Variants in NKAIN3 observed in about 807,000 individuals in gnomAD.
NKAIN3 encodes sodium/potassium-transporting ATPase subunit beta-1-interacting protein 3.
A neutral mutation model predicts 30.2 loss-of-function variants in NKAIN3; 25 were observed. The observed-to-expected ratio is 0.83, with a 90% CI of 0.60 to 1.16. The LOEUF (loss-of-function observed/expected upper bound fraction) is 1.16. NKAIN3 is among the 50% of genes most tolerant of loss of function. The probability of loss-of-function intolerance (pLI) is 0.00; values close to 1 mark genes in which losing one functional copy is unlikely to be tolerated. For missense variants in NKAIN3, 225 were observed against 254.1 expected, an observed-to-expected ratio of 0.89 and a Z score of 0.78; for synonymous variants, 91 against 89.6, an observed-to-expected ratio of 1.02 and a Z score of -0.09.
chr8:62,310,900 C>A (rs2080646179), intron 1 of NKAIN3, among the ~76,000 whole-genome samples: 1 of 150,324 alleles, frequency 6.7e-6, no homozygotes, highest in South Asian at 2.1e-4. Flanking sequence ...TAAAAATATT[C>A]CTCTTCAGAC....
chr8:62,990,340 TCAA>T, intron 5 of NKAIN3: 1 of 1,334,882 alleles, frequency 7.5e-7, no homozygotes, highest in Non-Finnish European at 9.7e-7. Context: ...AACCCCAGAT[TCAA>T]CATCTTCCTA....
At chr8:62,520,203 G>A (rs1446479131) in intron 1 of NKAIN3, among the ~76,000 whole-genome samples, 3 of 152,040 alleles carry the variant, frequency 2.0e-5, no homozygotes, top group Non-Finnish European at 2.9e-5. Flanking sequence ...ACCCTGTGGT[G>A]CACTATTTAA....
At chr8:62,615,087 C>T (rs1811410822) in intron 3 of NKAIN3, among the ~76,000 whole-genome samples, 1 of 152,146 alleles carries the variant, frequency 6.6e-6, no homozygotes, top group Non-Finnish European at 1.5e-5. Flanking sequence ...CCCATAGCCA[C>T]CACAGCTGGT....
intron 1 of NKAIN3, among the ~76,000 whole-genome samples, chr8:62,442,236 A>G (rs1156900666): frequency 6.6e-6 from 1 of 151,942 alleles, no homozygotes; most frequent in Non-Finnish European, 1.5e-5. Context: ...GCCTTGTACT[A>G]TTTTGGTGGA....
chr8:62,276,358 G>C (rs185669896), intron 1 of NKAIN3, among the ~76,000 whole-genome samples: 1 of 152,096 alleles, frequency 6.6e-6, no homozygotes, highest in African/African-American at 2.4e-5. Context: ...GAGCCACTGC[G>C]CCCAGCCTGA....
intron 1 of NKAIN3, among the ~76,000 whole-genome samples, chr8:62,393,915 A>T (rs1817649108): frequency 6.6e-6 from 1 of 152,118 alleles, no homozygotes; most frequent in Admixed American, 6.5e-5. Context: ...TGTATAAAAT[A>T]AAATTGATTT....
chr8:62,627,051 A>G (rs962990376), intron 3 of NKAIN3, among the ~76,000 whole-genome samples: 1 of 152,188 alleles, frequency 6.6e-6, no homozygotes, highest in East Asian at 1.9e-4. Context: ...ATCTTCCTCA[A>G]GAAAAGCCTC....
rs144268676 is a variant in NKAIN3 at position 62,395,335 on chromosome 8, C to T, written c.54+146208C>T. Among the ~76,000 whole-genome samples, 1,394 of 151,812 alleles carry T rather than the reference C, an allele frequency of 9.2e-3. 11 individuals carry two copies. Among genetic ancestry groups the T allele is most frequent in the Non-Finnish European group, 0.015 (1,015 of 67,890 alleles). ...AGACGGTGGGGCGGCCGGGCAGAGG[C>T]GACCCTCACTTCCCAGACCGAGGGA... On this transcript the variant is annotated intron_variant, in intron 1 of 6. Coordinates refer to ENST00000623646, the MANE Select transcript of NKAIN3 (RefSeq NM_001304533.3).
At chr8:62,879,951 C>A (rs1820924237) in intron 4 of NKAIN3, among the ~76,000 whole-genome samples, 1 of 152,132 alleles carries the variant, frequency 6.6e-6, no homozygotes, top group Non-Finnish European at 1.5e-5. Flanking sequence ...TGCCCTTAGC[C>A]TTGGGTCCAT....
chr8:62,660,995 G>A (rs1211022229), intron 3 of NKAIN3, among the ~76,000 whole-genome samples: 1 of 152,184 alleles, frequency 6.6e-6, no homozygotes, highest in African/African-American at 2.4e-5. Context: ...GAATGGCAGG[G>A]GTTGATACAC....
intron 1 of NKAIN3, among the ~76,000 whole-genome samples, chr8:62,453,041 T>A (rs1441593860): frequency 6.6e-6 from 1 of 152,222 alleles, no homozygotes; most frequent in Non-Finnish European, 1.5e-5. Context: ...AATGAAATAT[T>A]TACAAACTGA....
intron 3 of NKAIN3, among the ~76,000 whole-genome samples, chr8:62,691,389 A>T (rs1736481171): frequency 6.6e-6 from 1 of 151,924 alleles, no homozygotes; most frequent in Non-Finnish European, 1.5e-5. Context: ...CAACAAGCAG[A>T]GCGGGGGATG....
At chr8:62,454,165 C>G (rs1413212943) in intron 1 of NKAIN3, among the ~76,000 whole-genome samples, 1 of 151,762 alleles carries the variant, frequency 6.6e-6, no homozygotes, top group Non-Finnish European at 1.5e-5. Context: ...GTGGACTTCA[C>G]TCCATAACAA....
intron 1 of NKAIN3, among the ~76,000 whole-genome samples, chr8:62,579,169 A>G (rs1010436714): frequency 1.3e-5 from 2 of 152,018 alleles, no homozygotes; most frequent in African/African-American, 4.8e-5. Flanking sequence ...ATAAATATAT[A>G]TACCTATGAT....
intron 2 of NKAIN3, among the ~76,000 whole-genome samples, chr8:62,581,110 TATAAAATAAAATAAAATAAAATAAA>T (rs71559376): frequency 2.1e-4 from 24 of 114,342 alleles, no homozygotes; most frequent in African/African-American, 4.1e-4. Context: ...CTCAAAAAAA[TATAAAATAAAATAAAATAAAATAAA>T]ATAAAATAAA....
rs1286741954 is a variant in NKAIN3, at chr8:62,977,892, T to G, written c.*12485T>G. On this transcript the variant is annotated 3_prime_UTR_variant, in exon 7 of 7. Coordinates refer to ENST00000623646, the MANE Select transcript of NKAIN3 (RefSeq NM_001304533.3). ...TGGCATTGGTGACCTTTGGAAGGAG[T>G]GTTTACATGGTCATGCTCTTTGTTG... 1 of 152,122 alleles carries G rather than the reference T, an allele frequency of 6.6e-6. No individual in the cohort carries two copies. Among genetic ancestry groups the G allele is most frequent in the Non-Finnish European group, 1.5e-5 (1 of 68,050 alleles). 9.4% of individuals were successfully genotyped at this position (152,122 alleles called of 1,614,324 possible).
intron 1 of NKAIN3, among the ~76,000 whole-genome samples, chr8:62,382,413 A>G (rs1336984570): frequency 1.3e-5 from 2 of 152,150 alleles, no homozygotes; most frequent in Non-Finnish European, 2.9e-5. Flanking sequence ...TGGAAGAGGT[A>G]GAGGAAGTGG....
chr8:62,741,415 G>GC (rs1815879717), intron 3 of NKAIN3, among the ~76,000 whole-genome samples: 1 of 141,480 alleles, frequency 7.1e-6, no homozygotes, highest in African/African-American at 3.0e-5. Flanking sequence ...AGGAAGGAAG[G>GC]AAGGAAGGCA....
chr8:62,440,054 T>C (rs1304499796), intron 1 of NKAIN3, among the ~76,000 whole-genome samples: 3 of 152,202 alleles, frequency 2.0e-5, no homozygotes, highest in Non-Finnish European at 4.4e-5. Context: ...TAGCCAAAAT[T>C]GGGTCCTTTG....
Sources: gnomAD v4.1 joint callset for allele counts (sites outside exome capture counted in the v4.1 genomes callset) on GRCh38, gnomAD v4.1.1 for gene constraint, MANE v1.5 for transcripts, NCBI Gene and HGNC (gene_info 2026-07-23, HGNC 2026-07-21) for gene names.